RHPN1: variants seen among roughly 807,000 people sequenced by gnomAD.
RHPN1 encodes rhophilin Rho GTPase binding protein 1, also known as rhophilin-1.
RHPN1 carries 77 observed loss-of-function variants against 74.7 expected under a neutral mutation model. That is an observed-to-expected ratio of 1.03 (90% CI 0.86 to 1.25). The LOEUF (loss-of-function observed/expected upper bound fraction) is 1.25, where lower values mean the gene tolerates loss of function less well. Among genes scored for constraint, RHPN1 ranks in the 50% most tolerant of loss-of-function variants. The probability of loss-of-function intolerance (pLI) is 0.00; values close to 1 mark genes in which losing one functional copy is unlikely to be tolerated. For synonymous variants in RHPN1, 444 were observed against 414.5 expected (o/e 1.07, Z -0.87); for missense variants, 987 against 932.2 (o/e 1.06, Z -0.77).
intron 1 of RHPN1, 62 bp from the exon 2 acceptor site, chr8:143,375,491 G>A (rs1253496241): frequency 9.2e-6 from 11 of 1,197,962 alleles, no homozygotes; most frequent in East Asian, 2.5e-5. Context: ...AGTGGCTGGC[G>A]AGGCGCAGCC....
At chr8:143,368,511 G>A (rs1817614364), upstream of RHPN1, 1 of 152,690 alleles carries the variant, frequency 6.5e-6, no homozygotes, top group Admixed American at 6.5e-5. Context: ...GAGCCGAGGA[G>A]CTAGGCGCGC....
In RHPN1 at chr8:143,382,497, G is replaced by T; in HGVS notation, c.1859G>T (p.Gly620Val). Reference protein sequence around the residue: ...RGLLRSQREHGCKTPASTWAS... With the variant: ...RGLLRSQREHVCKTPASTWAS... ...CTTCTAAGGAGCCAGAGGGAGCATG[G>T]TTGCAAGACCCCGGCATCCACGTGG... Residue 620 changes from glycine to valine, a missense_variant, in exon 15 of 15, where the codon GGT becomes GTT. By Grantham distance (109) the Gly-to-Val change is moderately radical. Transcript: ENST00000289013. 6.2e-7 allele frequency: 1 copy of T among 1,606,230 alleles called. No homozygotes were observed. Among genetic ancestry groups the T allele is most frequent in the Non-Finnish European group, 8.5e-7 (1 of 1,177,224 alleles).
In RHPN1 at chr8:143,378,357, C is replaced by CGGGGGGGGGGGGCG; in HGVS notation, c.459+11_459+12insGGGGGGGGGGGGCG. On this transcript the variant is annotated intron_variant, in intron 5 of 14. Coordinates refer to ENST00000289013, the MANE Select transcript of RHPN1 (RefSeq NM_052924.3). ...GAGGCCCTGCGGCAGGTGTGTGGTT[C>CGGGGGGGGGGGGCG]CCCCGCCCACCCACCCTCCTGCAGC... is the stretch of plus-strand genomic sequence containing the variant. The CGGGGGGGGGGGGCG allele has an allele frequency of 1.2e-5, 18 of 1,520,844 alleles. No individual in the cohort carries two copies. Among genetic ancestry groups the CGGGGGGGGGGGGCG allele is most frequent in the Non-Finnish European group, 1.3e-5 (15 of 1,127,066 alleles). The allele number at this position is 1,520,844 out of a possible 1,614,324, so 94.2% of individuals were successfully genotyped here.
chr8:143,364,262 C>G (rs1359510383), upstream of RHPN1, among the ~76,000 whole-genome samples: 1 of 152,260 alleles, frequency 6.6e-6, no homozygotes, highest in Non-Finnish European at 1.5e-5. This position sits in a 1 kb window ranked among gnomAD's most constrained non-coding sequence, Gnocchi z 4.5. Flanking sequence ...TCCCCTTCCC[C>G]ATATCCTTTT....
In RHPN1 at chr8:143,378,961, G is replaced by A. The variant is rs768006772; in HGVS notation, c.634G>A (p.Glu212Lys). The A allele has an allele frequency of 1.0e-5, 16 of 1,570,082 alleles. No homozygotes were observed. Among genetic ancestry groups the A allele is most frequent in the South Asian group, 3.5e-5 (3 of 85,282 alleles). Residue 212 changes from glutamate to lysine, a missense_variant, in exon 7 of 15, where the codon GAG becomes AAG. Glu to Lys is a moderately conservative substitution (Grantham distance 56). Coordinates refer to ENST00000289013, the MANE Select transcript of RHPN1 (RefSeq NM_052924.3). ...GGCCCAGCAGCGTGCCCTGGCCTTCGAGAAGGGCAGCGTTCTCTTCAACAT... is the reference window on the plus strand; with the variant it reads ...GGCCCAGCAGCGTGCCCTGGCCTTCAAGAAGGGCAGCGTTCTCTTCAACAT... ...VPAQQRALAF[E>K]KGSVLFNIGA...
upstream of RHPN1, among the ~76,000 whole-genome samples, chr8:143,365,627 C>T (rs373479562): frequency 1.6e-4 from 25 of 152,320 alleles, no homozygotes; most frequent in African/African-American, 5.1e-4. Context: ...GGTTCCTGCC[C>T]ATCTGGAAAA....
intron 3 of RHPN1, among the ~76,000 whole-genome samples, chr8:143,377,174 CTGTG>C (rs890612864): frequency 1.3e-5 from 2 of 151,922 alleles, no homozygotes; most frequent in African/African-American, 4.8e-5. Flanking sequence ...GTGTGTGTCT[CTGTG>C]TGTGTGTGTT....
chr8:143,370,182 G>A (rs1265770936), intron 1 of RHPN1, among the ~76,000 whole-genome samples: 6 of 152,316 alleles, frequency 3.9e-5, no homozygotes, highest in South Asian at 4.1e-4. Flanking sequence ...CGGAGGTGAC[G>A]CTTTTCAGGC....
At position 143,375,545 on chromosome 8, in the gene RHPN1, C is replaced by T; in HGVS notation, c.61-8C>T. On this transcript the variant is annotated splice_region_variant and splice_polypyrimidine_tract_variant and intron_variant, in intron 1 of 14. Coordinates refer to ENST00000289013, the MANE Select transcript of RHPN1 (RefSeq NM_052924.3). ...GTCGGGCTGTGATCGCCTGTGGCCT[C>T]CCTGCAGGGCTGTGACTCCCTGACG... 1 of 1,574,320 alleles carries T rather than the reference C, an allele frequency of 6.4e-7. No homozygotes were observed. Among genetic ancestry groups the T allele is most frequent in the Non-Finnish European group, 8.6e-7 (1 of 1,164,420 alleles).
In RHPN1 at chr8:143,381,876, G is replaced by A. The variant is rs758212403; in HGVS notation, c.1705G>A (p.Ala569Thr). The A allele has an allele frequency of 2.2e-5, 35 of 1,612,900 alleles. No homozygotes were observed. Among genetic ancestry groups the A allele is most frequent in the Admixed American group, 5.0e-5 (3 of 59,982 alleles). The change falls in exon 14 of 15, where the codon GCG becomes ACG. Residue 569 changes from alanine to threonine, a missense_variant. Physicochemically the swap from Ala to Thr is moderately conservative, Grantham distance 58. Coordinates refer to ENST00000289013, the MANE Select transcript of RHPN1 (RefSeq NM_052924.3). ...NGQPCRWWRH[A>T]EVVTELKAAG... ...GCAGCCATGCAGGTGGTGGAGACAC[G>A]CGGAGGTGGTGACGGAGCTGAAGGC...
chr8:143,377,052 C>CTG (rs990558492), intron 3 of RHPN1, among the ~76,000 whole-genome samples: 22 of 45,860 alleles, frequency 4.8e-4, no homozygotes, highest in East Asian at 2.4e-3. Context: ...CTGTGTGTGT[C>CTG]TGTGTGTGCG....
intron 12 of RHPN1, 68 bp downstream of exon 12, chr8:143,381,412 A>G (rs1382432559): frequency 3.3e-6 from 5 of 1,506,744 alleles, no homozygotes; most frequent in East Asian, 2.4e-5. Context: ...TGACCAGCAC[A>G]TGGCCTCAGA....
intron 3 of RHPN1, among the ~76,000 whole-genome samples, chr8:143,377,106 G>T (rs912504678): frequency 6.6e-6 from 1 of 151,764 alleles, no homozygotes; most frequent in Admixed American, 6.6e-5. Context: ...GTGTGCGTGC[G>T]CATGTGTGTC....
chr8:143,369,735 TG>T (rs1243425588), intron 1 of RHPN1, among the ~76,000 whole-genome samples: 1 of 152,204 alleles, frequency 6.6e-6, no homozygotes, highest in African/African-American at 2.4e-5. Context: ...TGCCAGGCCC[TG>T]GGCGCCCACG....
Position 143,381,697 on chromosome 8 carries a change from C to G in RHPN1, c.1614C>G (p.Val538=), listed in dbSNP as rs187898956. 1.9e-6 allele frequency: 3 copies of G among 1,611,328 alleles called. No individual in the cohort carries two copies. In the African/African-American group the frequency reaches 4.0e-5, roughly 21 times the overall value. Residue 538 remains valine, a synonymous_variant, in exon 13 of 15, where the codon GTC becomes GTG. Transcript: ENST00000289013. ...ACTCGCCTGTCCTCATCGCTGCCGT[C>G]ATTCCAGGGAGCCAGGCCGCGGTAA... ...RGDSPVLIAA[V]IPGSQAAAAG... is the part of the protein sequence containing the mutation.
chr8:143,380,341 G>A (rs375519094), intron 10 of RHPN1, 166 bp downstream of exon 10: 120 of 682,582 alleles, frequency 1.8e-4, no homozygotes, highest in African/African-American at 1.5e-3. Flanking sequence ...ACGGCCCAGC[G>A]CAGGGGCCCC....
chr8:143,381,580 G>T lies in RHPN1; in HGVS notation c.1497G>T (p.Leu499=). The T allele has an allele frequency of 6.2e-7, 1 of 1,608,178 alleles. No individual in the cohort carries two copies. Residue 499 remains leucine, a synonymous_variant, in exon 13 of 15, where the codon CTG becomes CTT. Coordinates refer to ENST00000289013, the MANE Select transcript of RHPN1 (RefSeq NM_052924.3). ...CTCTGAGCCCCTGCCAGGGGCCCCT[G>T]TCTGTGTTCTCAGCCAAGAACCGGT... is the stretch of plus-strand genomic sequence containing the variant. The part of the protein sequence containing the change: ...GPDIFHRLGP[L]SVFSAKNRWR...
rs377453004 is a variant in RHPN1 at position 143,379,907 on chromosome 8, G to T, written c.1024G>T (p.Ala342Ser). 1 of 1,605,488 alleles carries T rather than the reference G, an allele frequency of 6.2e-7. No homozygotes were observed. The change falls in exon 9 of 15, where the codon GCC becomes TCC. Residue 342 changes from alanine (A) to serine (S), a missense_variant. Ala to Ser is a moderately conservative substitution (Grantham distance 99). Transcript: ENST00000289013. ...VHDYVPVSWT[A>S]LVHVKAEYFR... ...CGACTACGTGCCTGTCTCCTGGACT[G>T]CCCTGGTGCATGTCAAGGCCGAGTA...
intron 1 of RHPN1, among the ~76,000 whole-genome samples, chr8:143,371,757 C>A (rs559973479): frequency 2.6e-5 from 4 of 152,180 alleles, no homozygotes; most frequent in South Asian, 2.1e-4. Flanking sequence ...TAATGCAAGG[C>A]GGAAATGGCC....
Sources: gnomAD v4.1 joint callset for allele counts (sites outside exome capture counted in the v4.1 genomes callset) on GRCh38, gnomAD v4.1.1 for gene constraint, Gnocchi (gnomAD v3.1) non-coding constraint, MANE v1.5 for transcripts, NCBI Gene and HGNC (gene_info 2026-07-23, HGNC 2026-07-21) for gene names.